The following MYH15 variants were observed in gnomAD, a reference collection of about 807,000 sequenced individuals.
The protein encoded by MYH15 is myosin-15.
In MYH15, 227 loss-of-function variants were observed where a neutral mutation model predicts 240.5. That is an observed-to-expected ratio of 0.94 (90% CI 0.85 to 1.05). The LOEUF (loss-of-function observed/expected upper bound fraction) is 1.05. Ranked by LOEUF, MYH15 falls within the 50% of genes least tolerant of loss-of-function variation. MYH15 has a pLI of 0.00. For missense variants in MYH15, 2,217 were observed against 2,247.5 expected, an observed-to-expected ratio of 0.99 and a Z score of 0.27; for synonymous variants, 785 against 796.7, an observed-to-expected ratio of 0.99 and a Z score of 0.25.
intron 3 of MYH15, among the ~76,000 whole-genome samples, 190 bp downstream of exon 3, chr3:108,501,522 G>A (rs1257114080): frequency 6.6e-6 from 1 of 152,130 alleles, no homozygotes; most frequent in Non-Finnish European, 1.5e-5. Context: ...TGACCTGTGG[G>A]AAGGCATATG....
chr3:108,483,815 T>G (rs972295401), intron 11 of MYH15, among the ~76,000 whole-genome samples: 2 of 152,238 alleles, frequency 1.3e-5, no homozygotes, highest in Non-Finnish European at 2.9e-5. Flanking sequence ...GAAGACATTA[T>G]GCTAAGTGAA....
chr3:108,515,460 T>C (rs2083554316), upstream of MYH15, among the ~76,000 whole-genome samples: 1 of 152,244 alleles, frequency 6.6e-6, no homozygotes, highest in African/African-American at 2.4e-5. Context: ...GAGACCTATA[T>C]TTAATTTCTG....
chr3:108,478,662 C>T (rs1298458207), intron 11 of MYH15, among the ~76,000 whole-genome samples: 2 of 150,524 alleles, frequency 1.3e-5, no homozygotes, highest in Non-Finnish European at 3.0e-5. Context: ...AAACAATTTT[C>T]CAGTATCTGT....
In MYH15 at chr3:108,492,568, A is replaced by G; in HGVS notation, c.803T>C (p.Phe268Ser). 1 of 1,613,418 alleles carries G rather than the reference A, an allele frequency of 6.2e-7. No homozygotes were observed. The highest frequency in any genetic ancestry group is 8.5e-7 in the Non-Finnish European group (1 of 1,179,492). ...GTAGTTCCTCTCTCCAGCCTGCTGG[A>G]AAATCACCCTGGACTTTTCAAGCAA... ...IYLLEKSRVI[F>S]QQAGERNYHI... The change falls in exon 9 of 41, where the codon TTC (phenylalanine) becomes TCC (serine). Residue 268 changes from phenylalanine (F) to serine (S), a missense_variant. By Grantham distance (155) the Phe-to-Ser change is radical. Transcript: ENST00000693548.
Position 108,466,858 on chromosome 3 carries a change from T to C in MYH15, c.1555-2044A>G, listed in dbSNP as rs575828377. On this transcript the variant is annotated intron_variant, in intron 14 of 40. Transcript: ENST00000693548. The stretch of plus-strand genomic sequence containing the variant: ...CTGGTCTCATCTGTCTAGTGTTGGA[T>C]GTCATATGTTCAGCCTTTCCCATAA... Among the ~76,000 whole-genome samples the C allele has an allele frequency of 4.6e-5, 7 of 152,314 alleles. No homozygotes were observed. In the South Asian group the frequency reaches 1.5e-3, roughly 32 times the overall value.
At chr3:108,451,076 A>G (rs1332173215) in intron 21 of MYH15, among the ~76,000 whole-genome samples, 2 of 152,182 alleles carry the variant, frequency 1.3e-5, no homozygotes, top group Non-Finnish European at 2.9e-5. Context: ...TTAGAGATAC[A>G]GTAGAGATTT....
chr3:108,485,945 A>C (rs1219682598), intron 10 of MYH15, among the ~76,000 whole-genome samples: 1 of 152,246 alleles, frequency 6.6e-6, no homozygotes, highest in African/African-American at 2.4e-5. Flanking sequence ...GAATAGCTCA[A>C]TAAACAACAG....
Position 108,421,097 on chromosome 3 carries a change from TC to T in MYH15, c.3819del (p.Trp1273Ter), listed in dbSNP as rs1560343774. On this transcript the variant is annotated frameshift_variant, in exon 28 of 41. Transcript: ENST00000693548. LOFTEE classifies it high-confidence loss of function. ...CAGCATACTTACTTACCACTCTCACTCCACAGCTTTGTCTTTTGTGCTGCCA... is the reference window on the plus strand; with the variant it reads ...CAGCATACTTACTTACCACTCTCACTCACAGCTTTGTCTTTTGTGCTGCCA... ...NDLAAQKTKL[W>X]SESGEFLRRL... 1.2e-6 allele frequency: 2 copies of T among 1,614,096 alleles called. No homozygotes were observed. The highest frequency in any genetic ancestry group is 1.7e-6 in the Non-Finnish European group (2 of 1,179,952).
At chr3:108,524,802 A>G (rs2083653730) in intron 1 of MYH15, among the ~76,000 whole-genome samples, 1 of 152,062 alleles carries the variant, frequency 6.6e-6, no homozygotes, top group African/African-American at 2.4e-5. Context: ...CAGGGCTCCT[A>G]TGTATACCCC....
chr3:108,507,279 A>C (rs2083486244), intron 1 of MYH15, among the ~76,000 whole-genome samples: 1 of 125,752 alleles, frequency 8.0e-6, no homozygotes, highest in African/African-American at 3.0e-5. Context: ...ATATATATAC[A>C]CATATGAAAA....
the MYH15 span, among the ~76,000 whole-genome samples, chr3:108,545,147 T>C: frequency 3.3e-5 from 5 of 152,140 alleles, no homozygotes; most frequent in Non-Finnish European, 5.9e-5. Flanking sequence ...GAGATGTTAA[T>C]TTACCACTGC....
intron 12 of MYH15, among the ~76,000 whole-genome samples, chr3:108,473,542 T>A (rs1014550628): frequency 1.3e-5 from 2 of 152,162 alleles, no homozygotes; most frequent in African/African-American, 4.8e-5. Flanking sequence ...TCACCTTGAG[T>A]GGTTAATCTT....
At chr3:108,467,809 A>C (rs1000544873) in intron 14 of MYH15, among the ~76,000 whole-genome samples, 1 of 152,166 alleles carries the variant, frequency 6.6e-6, no homozygotes, top group Non-Finnish European at 1.5e-5. Context: ...CAAGTTCTAA[A>C]CAAACTAGAA....
intron 25 of MYH15, among the ~76,000 whole-genome samples, chr3:108,432,934 CCACA>C (rs1247333459): frequency 6.6e-6 from 1 of 152,168 alleles, no homozygotes; most frequent in Non-Finnish European, 1.5e-5. Flanking sequence ...GTCAGGGCTC[CCACA>C]CAGAGTCCCT....
intron 25 of MYH15, among the ~76,000 whole-genome samples, chr3:108,436,988 T>C (rs2107565809): frequency 6.6e-6 from 1 of 152,140 alleles, no homozygotes; most frequent in South Asian, 2.1e-4. Flanking sequence ...TTGCCCTGAG[T>C]TCTTTGGGGT....
chr3:108,428,422 T>C, intron 27 of MYH15, 70 bp downstream of exon 27: 1 of 1,508,438 alleles, frequency 6.6e-7, no homozygotes, highest in East Asian at 2.3e-5. Context: ...TTCTTTTCCC[T>C]CCCCTCCCAT....
At chr3:108,401,449 C>G (rs1179212320) in intron 33 of MYH15, among the ~76,000 whole-genome samples, 1 of 152,178 alleles carries the variant, frequency 6.6e-6, no homozygotes, top group Non-Finnish European at 1.5e-5. Context: ...GCTTTAGTCT[C>G]CAGAGCTGTA....
chr3:108,544,253 C>G, the MYH15 span, among the ~76,000 whole-genome samples: 1 of 152,238 alleles, frequency 6.6e-6, no homozygotes, highest in African/African-American at 2.4e-5. Flanking sequence ...TCTGGCCCCC[C>G]ACTTTCCTAA....
chr3:108,474,367 T>C (rs1490370718), intron 12 of MYH15, among the ~76,000 whole-genome samples: 1 of 151,782 alleles, frequency 6.6e-6, no homozygotes, highest in African/African-American at 2.4e-5. Flanking sequence ...AAGGCTGGAG[T>C]CCTTACTATA....
Sources: gnomAD v4.1 joint callset for allele counts (sites outside exome capture counted in the v4.1 genomes callset) on GRCh38, gnomAD v4.1.1 for gene constraint, MANE v1.5 for transcripts, NCBI Gene and HGNC (gene_info 2026-07-23, HGNC 2026-07-21) for gene names.